RFX3: variants seen among roughly 807,000 people sequenced by gnomAD.
The protein encoded by RFX3 is transcription factor RFX3.
In RFX3, 14 loss-of-function variants were observed where a neutral mutation model predicts 98.6. The observed-to-expected ratio is 0.14, with a 90% CI of 0.09 to 0.22. The LOEUF (loss-of-function observed/expected upper bound fraction) is 0.22, where lower values mean the gene tolerates loss of function less well. RFX3 is among the 10% of genes least tolerant of loss of function. The pLI is 1.00. For synonymous variants in RFX3, 383 were observed against 328.4 expected (o/e 1.17, Z -1.80); for missense variants, 639 against 926.9 (o/e 0.69, Z 4.03).
At chr9:3,384,789 C>T (rs1392890271) in intron 2 of RFX3, among the ~76,000 whole-genome samples, 1 of 152,116 alleles carries the variant, frequency 6.6e-6, no homozygotes, top group Non-Finnish European at 1.5e-5. Context: ...TCAACTCTTA[C>T]CACACCCTTC....
intron 8 of RFX3, among the ~76,000 whole-genome samples, chr9:3,276,657 A>G (rs995534739): frequency 6.6e-6 from 1 of 152,036 alleles, no homozygotes; most frequent in Non-Finnish European, 1.5e-5. Context: ...GAAAGTGCAC[A>G]TAGACACATA....
At chr9:3,240,105 C>A (rs938805409) in intron 15 of RFX3, among the ~76,000 whole-genome samples, 44 of 152,312 alleles carry the variant, frequency 2.9e-4, no homozygotes, top group African/African-American at 1.0e-3. Context: ...GCGACACGGG[C>A]TGGCTATGTC....
rs377305540 is a variant in RFX3, at chr9:3,475,631, A to G, written c.-9+50116T>C. Reference sequence around the variant, plus strand: ...CATAATATTACAATATTGTTTCTGCATATCAGAGACTTTTAGTACTTTCAC... The same window carrying G: ...CATAATATTACAATATTGTTTCTGCGTATCAGAGACTTTTAGTACTTTCAC... On this transcript the variant is annotated intron_variant, in intron 1 of 16. Coordinates refer to ENST00000617270, the MANE Select transcript of RFX3 (RefSeq NM_001282116.2). Among the ~76,000 whole-genome samples, 51 of 152,354 alleles carry G rather than the reference A, an allele frequency of 3.3e-4. No homozygotes were observed. In the East Asian group the frequency reaches 4.2e-3, roughly 13 times the overall value.
At chr9:3,478,194 C>T (rs1347024872) in intron 1 of RFX3, among the ~76,000 whole-genome samples, 1 of 151,720 alleles carries the variant, frequency 6.6e-6, no homozygotes, top group Non-Finnish European at 1.5e-5. Context: ...GTTTTATTTC[C>T]TGTTTCTTTG....
intron 1 of RFX3, among the ~76,000 whole-genome samples, chr9:3,395,951 C>G (rs1840813963): frequency 1.3e-5 from 2 of 152,060 alleles, no homozygotes; most frequent in African/African-American, 2.4e-5. Flanking sequence ...GAACACAAAC[C>G]CTACCTGGAT....
intron 14 of RFX3, 27 bp downstream of exon 14, chr9:3,256,964 A>C (rs375838817): frequency 1.3e-6 from 2 of 1,597,570 alleles, no homozygotes; most frequent in Non-Finnish European, 1.7e-6. Flanking sequence ...TATGAAGAAG[A>C]AAGCCTAGGA....
chr9:3,435,704 T>A (rs370769896), intron 1 of RFX3, among the ~76,000 whole-genome samples: 10 of 149,780 alleles, frequency 6.7e-5, no homozygotes, highest in African/African-American at 2.5e-4. Flanking sequence ...TCCTGACACA[T>A]GTAAACACAA....
chr9:3,277,065 C>T (rs143841545), intron 8 of RFX3, among the ~76,000 whole-genome samples: 86 of 152,008 alleles, frequency 5.7e-4, no homozygotes, highest in Non-Finnish European at 1.1e-3. Context: ...ATCACAAAAG[C>T]CGAATAATAC....
At chr9:3,293,374 A>G in intron 5 of RFX3, 116 bp from the exon 6 acceptor site, 1 of 725,448 alleles carries the variant, frequency 1.4e-6, no homozygotes, top group Non-Finnish European at 2.2e-6. Flanking sequence ...AAGTCTTATG[A>G]TAGAGTAAAC....
chr9:3,247,209 C>A (rs372218901), intron 15 of RFX3: 31 of 985,598 alleles, frequency 3.1e-5, no homozygotes, highest in Middle Eastern at 5.2e-4. Context: ...CAGTGCTGAA[C>A]CATCTGAGCA....
At chr9:3,423,224 A>C (rs996419972) in intron 1 of RFX3, among the ~76,000 whole-genome samples, 3 of 152,200 alleles carry the variant, frequency 2.0e-5, no homozygotes, top group African/African-American at 7.2e-5. Flanking sequence ...TTCAGGAAGC[A>C]CTTTGAAAGG....
intron 15 of RFX3, among the ~76,000 whole-genome samples, chr9:3,232,429 C>G (rs1818593392): frequency 6.6e-6 from 1 of 152,180 alleles, no homozygotes; most frequent in African/African-American, 2.4e-5. Context: ...TCCTACAAAG[C>G]ACCCACCACA....
chr9:3,350,333 T>A (rs1226267470), intron 2 of RFX3, among the ~76,000 whole-genome samples: 5 of 152,250 alleles, frequency 3.3e-5, no homozygotes, highest in Middle Eastern at 6.8e-3. Context: ...CAAATAAGGA[T>A]ATGCAAATAT....
rs1328884043 is a variant in RFX3 at position 3,250,460 on chromosome 9, C to G, written c.1815-2275G>C. On this transcript the variant is annotated intron_variant, in intron 14 of 16. Coordinates refer to ENST00000617270, the MANE Select transcript of RFX3 (RefSeq NM_001282116.2). ...ATAAAGCTGTCAGAGGTTAAAAGAC[C>G]CAATGTTATAGCTGGTTTGGAAAAA... is the stretch of plus-strand genomic sequence containing the variant. 6.6e-5 allele frequency among the ~76,000 whole-genome samples: 10 copies of G among 151,708 alleles called. No individual in the cohort carries two copies. In the South Asian group the frequency reaches 1.9e-3, roughly 28 times the overall value.
Position 3,467,136 on chromosome 9 carries a change from A to C in RFX3, c.-9+58611T>G, listed in dbSNP as rs181128072. Among the ~76,000 whole-genome samples, 285 of 143,332 alleles carry C rather than the reference A, an allele frequency of 2.0e-3. 8 individuals are homozygous for C. Among genetic ancestry groups the C allele is most frequent in the African/African-American group, 7.1e-3 (271 of 38,408 alleles). The allele number at this position is 143,332 out of a possible 152,430, so 94.0% of individuals were successfully genotyped here. A position where few individuals can be genotyped will look rare whatever the true frequency, so the allele number is the denominator to read the frequency against. On this transcript the variant is annotated intron_variant, in intron 1 of 16. Transcript: ENST00000617270. Reference sequence around the variant, plus strand: ...TATACATACATATATGTAAGTATATATGTATATACATAATATATATGTATA... The same window carrying C: ...TATACATACATATATGTAAGTATATCTGTATATACATAATATATATGTATA...
intron 1 of RFX3, among the ~76,000 whole-genome samples, chr9:3,408,552 T>C (rs1842167324): frequency 6.6e-6 from 1 of 152,072 alleles, no homozygotes; most frequent in Non-Finnish European, 1.5e-5. Flanking sequence ...ACTACTTCAC[T>C]ATTTCAAAAA....
chr9:3,343,837 C>A (rs1563959106), intron 3 of RFX3, among the ~76,000 whole-genome samples: 1 of 152,182 alleles, frequency 6.6e-6, no homozygotes, highest in Non-Finnish European at 1.5e-5. Flanking sequence ...CAGACCAGAT[C>A]AAAGCTAATT....
chr9:3,505,887 G>T (rs1188519760), intron 1 of RFX3, among the ~76,000 whole-genome samples: 1 of 151,562 alleles, frequency 6.6e-6, no homozygotes, highest in African/African-American at 2.4e-5. Context: ...TTGTTTGAAT[G>T]TGAGTTCCTT....
chr9:3,507,197 A>G (rs1455697865), intron 1 of RFX3, among the ~76,000 whole-genome samples: 3 of 151,980 alleles, frequency 2.0e-5, no homozygotes, highest in Admixed American at 1.3e-4. Flanking sequence ...AGCAGAGATA[A>G]TAAGAAATTA....
Sources: allele counts gnomAD v4.1 joint callset (sites outside exome capture counted in the v4.1 genomes callset), GRCh38; gene constraint gnomAD v4.1.1; transcripts MANE v1.5; gene names NCBI Gene and HGNC (gene_info 2026-07-23, HGNC 2026-07-21).